GABRB2: variants seen among roughly 807,000 people sequenced by gnomAD.
GABRB2 encodes the protein gamma-aminobutyric acid type A receptor subunit beta2.
A neutral mutation model predicts 54.7 loss-of-function variants in GABRB2; 16 were observed. The observed-to-expected ratio is 0.29, with a 90% confidence interval of 0.20 to 0.44. The LOEUF (loss-of-function observed/expected upper bound fraction) is 0.44. Ranked by LOEUF, GABRB2 falls within the 20% of genes least tolerant of loss-of-function variation. The pLI is 1.00. For missense variants in GABRB2, 355 were observed against 644.0 expected (o/e 0.55, Z 4.86); for synonymous variants, 244 against 233.8 (o/e 1.04, Z -0.40).
At chr5:161,339,455 T>C (rs964679722) in intron 5 of GABRB2, among the ~76,000 whole-genome samples, 1 of 152,112 alleles carries the variant, frequency 6.6e-6, no homozygotes. Context: ...GATTCTTATT[T>C]AGCTAATCAG....
At chr5:161,478,313 T>C (rs539619456) in intron 3 of GABRB2, among the ~76,000 whole-genome samples, 1 of 152,022 alleles carries the variant, frequency 6.6e-6, no homozygotes, top group South Asian at 2.1e-4. Context: ...AACCTCACCT[T>C]GAATTACAAA....
intron 7 of GABRB2, among the ~76,000 whole-genome samples, chr5:161,333,769 C>G (rs1753917318): frequency 6.6e-6 from 1 of 152,128 alleles, no homozygotes; most frequent in Non-Finnish European, 1.5e-5. Flanking sequence ...TATTATCACC[C>G]AGGTATCCAC....
intron 5 of GABRB2, among the ~76,000 whole-genome samples, chr5:161,367,565 T>C (rs1285713074): frequency 6.6e-6 from 1 of 152,222 alleles, no homozygotes; most frequent in Non-Finnish European, 1.5e-5. Flanking sequence ...CAATTTGCAC[T>C]TTAGAATTTC....
rs541245416 is a variant in GABRB2, at chr5:161,288,770, CT to C, written c.*5310del. On this transcript the variant is annotated 3_prime_UTR_variant, in exon 10 of 10. Coordinates refer to ENST00000393959, the MANE Select transcript of GABRB2 (RefSeq NM_001371727.1). ...ACATTGTGAAGAAACTAGAATATCA[CT>C]TTTTTTTTTTATAAAAGGACAATTT... is the stretch of plus-strand genomic sequence containing the variant. 600 of 147,424 alleles carry C rather than the reference CT, an allele frequency of 4.1e-3. 2 individuals carry two copies. The highest frequency in any genetic ancestry group is 7.0e-3 in the Middle Eastern group (2 of 286). 9.1% of individuals were successfully genotyped at this position (147,424 alleles called of 1,614,324 possible).
chr5:161,542,961 C>T (rs1255430797), intron 3 of GABRB2, among the ~76,000 whole-genome samples: 1 of 152,128 alleles, frequency 6.6e-6, no homozygotes, highest in African/African-American at 2.4e-5. Flanking sequence ...ATAAAACAAA[C>T]ATCACAAAAA....
At chr5:161,489,804 C>T (rs1318768060) in intron 3 of GABRB2, among the ~76,000 whole-genome samples, 3 of 151,804 alleles carry the variant, frequency 2.0e-5, no homozygotes, top group African/African-American at 2.4e-5. Flanking sequence ...TTACATTAAG[C>T]CTAATAGCTT....
At chr5:161,322,616 T>C (rs1486531560) in intron 9 of GABRB2, among the ~76,000 whole-genome samples, 4 of 152,216 alleles carry the variant, frequency 2.6e-5, no homozygotes, top group African/African-American at 9.7e-5. Context: ...TCCATTTTTT[T>C]CCATTCTTTA....
At position 161,288,478 on chromosome 5, in the gene GABRB2, T is replaced by C. The variant is rs191256505; in HGVS notation, c.*5603A>G. On this transcript the variant is annotated 3_prime_UTR_variant, in exon 10 of 10. Coordinates refer to ENST00000393959, the MANE Select transcript of GABRB2 (RefSeq NM_001371727.1). ...ATTTCTTAGTTCAAGAATTACACAC[T>C]AGCCAACATTATTATATATTTACAT... 78 of 152,750 alleles carry C rather than the reference T, an allele frequency of 5.1e-4. No homozygotes were observed. Among genetic ancestry groups the C allele is most frequent in the Non-Finnish European group, 4.4e-5 (3 of 68,018 alleles). The allele number at this position is 152,750 out of a possible 1,614,324, so 9.5% of individuals were successfully genotyped here.
At position 161,459,229 on chromosome 5, in the gene GABRB2, G is replaced by A. The variant is rs1364904882; in HGVS notation, c.458+395C>T. On this transcript the variant is annotated intron_variant, in intron 4 of 9. Coordinates refer to ENST00000393959, the MANE Select transcript of GABRB2 (RefSeq NM_001371727.1). ...CAATAAGCTTTCTCATCATCAGAGG[G>A]CCATGATCCCGTTGAGGCAGCTCAG... The A allele has an allele frequency of 1.9e-5, 4 of 214,920 alleles. No individual in the cohort carries two copies. In the Admixed American group the frequency reaches 2.1e-4, roughly 11 times the overall value. The allele number at this position is 214,920 out of a possible 1,614,324, so 13.3% of individuals were successfully genotyped here. A position where few individuals can be genotyped will look rare whatever the true frequency, so the allele number is the denominator to read the frequency against.
chr5:161,496,248 C>A (rs1295804534), intron 3 of GABRB2, among the ~76,000 whole-genome samples: 1 of 152,086 alleles, frequency 6.6e-6, no homozygotes, highest in African/African-American at 2.4e-5. Flanking sequence ...GATCATAATA[C>A]CTCCTTAGAG....
intron 3 of GABRB2, among the ~76,000 whole-genome samples, chr5:161,474,479 C>A (rs1372516907): frequency 2.6e-5 from 4 of 151,876 alleles, no homozygotes; most frequent in East Asian, 3.9e-4. Context: ...AGAAAAATAT[C>A]ATAATTTAGC....
intron 4 of GABRB2, among the ~76,000 whole-genome samples, chr5:161,432,769 T>C (rs1757205076): frequency 6.6e-6 from 1 of 152,140 alleles, no homozygotes; most frequent in South Asian, 2.1e-4. Flanking sequence ...GTCCTCCCCA[T>C]GGGCTCCCCA....
chr5:161,331,891 C>T (rs182463329), intron 7 of GABRB2, among the ~76,000 whole-genome samples: 520 of 151,912 alleles, frequency 3.4e-3, no homozygotes, highest in African/African-American at 0.012. Flanking sequence ...GTTGGCCGGG[C>T]GCGGTGGCTC....
chr5:161,437,844 T>C (rs1757355153), intron 4 of GABRB2, among the ~76,000 whole-genome samples: 1 of 152,216 alleles, frequency 6.6e-6, no homozygotes, highest in African/African-American at 2.4e-5. Context: ...TAGGAAAGAC[T>C]GTGTCTTATG....
At chr5:161,418,303 C>T (rs1344400317) in intron 4 of GABRB2, among the ~76,000 whole-genome samples, 2 of 152,174 alleles carry the variant, frequency 1.3e-5, no homozygotes, top group Admixed American at 1.3e-4. Context: ...GATGACCAAC[C>T]TTTCTCATAT....
rs191112127 is a variant in GABRB2 at position 161,322,371 on chromosome 5, G to T, written c.1191+3997C>A. 1.4e-3 allele frequency among the ~76,000 whole-genome samples: 217 copies of T among 152,188 alleles called. 1 individual carries two copies. The highest frequency in any genetic ancestry group is 4.9e-3 in the African/African-American group (204 of 41,506). ...CTGCCTCTGCCTCCCTTGTAGCTGG[G>T]ACTACAGGCATGTGCCACCATACCC... On this transcript the variant is annotated intron_variant, in intron 9 of 9. Transcript: ENST00000393959.
At chr5:161,522,844 C>T (rs145757483) in intron 3 of GABRB2, among the ~76,000 whole-genome samples, 36 of 151,180 alleles carry the variant, frequency 2.4e-4, no homozygotes, top group African/African-American at 7.7e-4. Flanking sequence ...TGTGTTTTTC[C>T]GGATATTATC....
chr5:161,335,290 A>G (rs1241463541), intron 6 of GABRB2, among the ~76,000 whole-genome samples: 1 of 152,178 alleles, frequency 6.6e-6, no homozygotes, highest in African/African-American at 2.4e-5. Flanking sequence ...TTCTGGTCAT[A>G]GTAAAAGAAA....
intron 5 of GABRB2, among the ~76,000 whole-genome samples, chr5:161,384,231 G>A (rs574532342): frequency 6.6e-6 from 1 of 152,142 alleles, no homozygotes; most frequent in Non-Finnish European, 1.5e-5. Context: ...CACTTTAATT[G>A]CAAAGGCCAC....
Sources: gnomAD v4.1 joint callset for allele counts (sites outside exome capture counted in the v4.1 genomes callset) on GRCh38, gnomAD v4.1.1 for gene constraint, MANE v1.5 for transcripts, NCBI Gene and HGNC (gene_info 2026-07-23, HGNC 2026-07-21) for gene names.